Variants in MAST4 observed in about 807,000 individuals in gnomAD.
MAST4 encodes microtubule-associated serine/threonine-protein kinase 4.
Under a neutral mutation model 162.7 loss-of-function variants are expected in MAST4, and 89 were observed. That is an observed-to-expected ratio of 0.55 (90% confidence interval 0.46 to 0.65). The LOEUF (loss-of-function observed/expected upper bound fraction) is 0.65, where lower values mean the gene tolerates loss of function less well. MAST4 is among the 30% of genes least tolerant of loss of function. The pLI is 0.00. For missense variants in MAST4, 3,153 were observed against 3,374.0 expected (o/e 0.93, Z 1.62); for synonymous variants, 1,479 against 1,361.1 (o/e 1.09, Z -1.91).
rs951802074 is a variant in MAST4 at position 66,828,695 on chromosome 5, T to G, written c.642+39901T>G. 16 of 1,214,248 alleles carry G rather than the reference T, an allele frequency of 1.3e-5. No homozygotes were observed. In the African/African-American group the frequency reaches 2.1e-4, roughly 16 times the overall value. The allele number at this position is 1,214,248 out of a possible 1,614,324, so 75.2% of individuals were successfully genotyped here. A position where few individuals can be genotyped will look rare whatever the true frequency, so the allele number is the denominator to read the frequency against. ...CTCCGAAGTTGCTGGAGTGAATAAC[T>G]AAGCTGGACCAGCTGACTCCGGGCT... is the stretch of plus-strand genomic sequence containing the variant. On this transcript the variant is annotated intron_variant, in intron 3 of 28. Transcript: ENST00000403625.
intron 4 of MAST4, among the ~76,000 whole-genome samples, chr5:66,948,025 G>A (rs1744236913): frequency 6.6e-6 from 1 of 152,130 alleles, no homozygotes; most frequent in Non-Finnish European, 1.5e-5. Context: ...AAAGTGGACT[G>A]TCTCTCTTAT....
intron 4 of MAST4, among the ~76,000 whole-genome samples, chr5:66,924,302 G>T (rs1331512445): frequency 6.6e-6 from 1 of 152,096 alleles, no homozygotes; most frequent in East Asian, 1.9e-4. Flanking sequence ...AGAATAAACT[G>T]ATATGTGTAT....
At chr5:67,033,021 T>C (rs1755547602) in intron 4 of MAST4, among the ~76,000 whole-genome samples, 1 of 152,084 alleles carries the variant, frequency 6.6e-6, no homozygotes, top group African/African-American at 2.4e-5. Context: ...TTTTGCCCTG[T>C]TCTAACCATG....
chr5:66,977,010 A>C (rs2150222830), intron 4 of MAST4, among the ~76,000 whole-genome samples: 1 of 152,314 alleles, frequency 6.6e-6, no homozygotes, highest in East Asian at 1.9e-4. Context: ...CTTTAAACCA[A>C]GCGACAGATC....
chr5:67,153,335 G>T, intron 25 of MAST4, 123 bp from the exon 26 acceptor site: 2 of 1,015,740 alleles, frequency 2.0e-6, no homozygotes, highest in South Asian at 2.3e-5. Context: ...AAACGTACCT[G>T]TTAGATTTTC....
intron 3 of MAST4, among the ~76,000 whole-genome samples, chr5:66,839,946 C>T (rs1183049055): frequency 1.3e-5 from 2 of 151,854 alleles, no homozygotes; most frequent in Non-Finnish European, 2.9e-5. Context: ...GTTCACAAAG[C>T]CATTGCATCA....
At chr5:66,675,110 C>G (rs1386856125) in intron 1 of MAST4, among the ~76,000 whole-genome samples, 2 of 152,212 alleles carry the variant, frequency 1.3e-5, no homozygotes, top group African/African-American at 2.4e-5. Flanking sequence ...GCCTTCTGTG[C>G]CATGCACTCC....
chr5:67,066,106 G>A (rs1760197778), intron 5 of MAST4, among the ~76,000 whole-genome samples: 1 of 151,864 alleles, frequency 6.6e-6, no homozygotes, highest in African/African-American at 2.4e-5. Flanking sequence ...AGGGGGGAGA[G>A]ATGAATTTTG....
At chr5:66,671,951 G>A (rs1351774717) in intron 1 of MAST4, among the ~76,000 whole-genome samples, 1 of 152,188 alleles carries the variant, frequency 6.6e-6, no homozygotes, top group Non-Finnish European at 1.5e-5. Context: ...TGTAATGTCA[G>A]TGTCTTACAT....
At chr5:66,728,944 G>T (rs2149551052) in intron 1 of MAST4, among the ~76,000 whole-genome samples, 1 of 152,300 alleles carries the variant, frequency 6.6e-6, no homozygotes, top group East Asian at 1.9e-4. Context: ...AAGGAGAGAA[G>T]ATTGTTGAAT....
intron 1 of MAST4, among the ~76,000 whole-genome samples, chr5:66,638,226 A>T (rs979239004): frequency 6.6e-6 from 1 of 152,110 alleles, no homozygotes; most frequent in African/African-American, 2.4e-5. Flanking sequence ...GGTCTTTGGC[A>T]GTGGTGTTCC....
At chr5:66,686,666 C>G (rs1399129549) in intron 1 of MAST4, among the ~76,000 whole-genome samples, 1 of 152,174 alleles carries the variant, frequency 6.6e-6, no homozygotes, top group African/African-American at 2.4e-5. Context: ...ATAACCAGCT[C>G]TTCCCCTGTC....
intron 1 of MAST4, among the ~76,000 whole-genome samples, chr5:66,740,677 A>C (rs1350417046): frequency 6.6e-6 from 1 of 152,200 alleles, no homozygotes; most frequent in Non-Finnish European, 1.5e-5. Flanking sequence ...ATGATTCAAA[A>C]AAGCAGAGTG....
chr5:66,972,962 T>A (rs145176628), intron 4 of MAST4, among the ~76,000 whole-genome samples: 25 of 152,338 alleles, frequency 1.6e-4, no homozygotes, highest in African/African-American at 4.8e-4. Flanking sequence ...AACTTTTTTT[T>A]AAATCCCAAA....
intron 3 of MAST4, among the ~76,000 whole-genome samples, chr5:66,867,787 TA>T (rs1331728392): frequency 6.6e-6 from 1 of 152,256 alleles, no homozygotes; most frequent in Non-Finnish European, 1.5e-5. Flanking sequence ...CATATGTAAA[TA>T]AGCCATTCAG....
chr5:66,942,686 T>C (rs1182454457), intron 4 of MAST4, among the ~76,000 whole-genome samples: 3 of 152,126 alleles, frequency 2.0e-5, no homozygotes, highest in Non-Finnish European at 4.4e-5. Flanking sequence ...TATTGATCTC[T>C]TCCTGTCATG....
intron 1 of MAST4, among the ~76,000 whole-genome samples, chr5:66,602,664 G>A (rs968661838): frequency 6.6e-6 from 1 of 152,170 alleles, no homozygotes; most frequent in Admixed American, 6.5e-5. Context: ...GTGGGGGCTA[G>A]GGGGTGTGCA....
intron 23 of MAST4, among the ~76,000 whole-genome samples, chr5:67,148,987 C>T (rs185310970): frequency 1.6e-4 from 24 of 152,058 alleles, no homozygotes; most frequent in South Asian, 4.2e-4. Context: ...ATGAAGTGGG[C>T]GGCCATGGTG....
At chr5:66,937,082 A>G (rs970515750) in intron 4 of MAST4, among the ~76,000 whole-genome samples, 2 of 152,198 alleles carry the variant, frequency 1.3e-5, no homozygotes, top group Non-Finnish European at 2.9e-5. Context: ...AGGCTTTACC[A>G]TGGGAAATAC....
Sources: gnomAD v4.1 joint callset for allele counts (sites outside exome capture counted in the v4.1 genomes callset) on GRCh38, gnomAD v4.1.1 for gene constraint, MANE v1.5 for transcripts, NCBI Gene and HGNC (gene_info 2026-07-23, HGNC 2026-07-21) for gene names.